The following DPY19L2 variants were observed in gnomAD, a reference collection of about 807,000 sequenced individuals.
DPY19L2 encodes the protein probable C-mannosyltransferase DPY19L2.
In DPY19L2, 34 loss-of-function variants were observed where a neutral mutation model predicts 97.9. The observed-to-expected ratio is 0.35, with a 90% confidence interval of 0.26 to 0.46. DPY19L2 has a LOEUF of 0.46. Among genes scored for constraint, DPY19L2 ranks in the 20% least tolerant of loss-of-function variants. The probability of loss-of-function intolerance (pLI) is 1.00; values close to 1 mark genes in which losing one functional copy is unlikely to be tolerated. For missense variants in DPY19L2, 623 were observed against 911.4 expected (o/e 0.68, Z 4.07); for synonymous variants, 230 against 307.9 (o/e 0.75, Z 2.65).
chr12:63,584,048 G>T (rs541568345), intron 16 of DPY19L2: 1 of 490,458 alleles, frequency 2.0e-6, no homozygotes, highest in African/African-American at 1.9e-5. Flanking sequence ...TTCAAGATAT[G>T]TCAAAAATTT....
intron 4 of DPY19L2, among the ~76,000 whole-genome samples, chr12:63,648,220 C>G (rs1452911039): frequency 3.9e-5 from 6 of 152,132 alleles, no homozygotes; most frequent in Non-Finnish European, 7.4e-5. Context: ...CTTCCTTGGA[C>G]TCCAGAATTC....
At chr12:63,588,021 A>G (rs1882116637) in intron 16 of DPY19L2, among the ~76,000 whole-genome samples, 2 of 152,184 alleles carry the variant, frequency 1.3e-5, no homozygotes, top group Admixed American at 1.3e-4. Flanking sequence ...AGAAAAAGTT[A>G]TAACTTTAAA....
At chr12:63,583,912 G>C (rs1881360005) in intron 16 of DPY19L2, 76 bp from the exon 17 acceptor site, 1 of 1,285,770 alleles carries the variant, frequency 7.8e-7, no homozygotes, top group African/African-American at 1.5e-5. Context: ...AGCTTCATTT[G>C]CTTGATCTTA....
chr12:63,637,179 A>G (rs1370803367), intron 6 of DPY19L2, among the ~76,000 whole-genome samples: 3 of 152,176 alleles, frequency 2.0e-5, no homozygotes, highest in Non-Finnish European at 4.4e-5. Flanking sequence ...CTGCTCCTGA[A>G]TGACTACTGG....
Position 63,600,348 on chromosome 12 carries a change from A to C in DPY19L2, c.1317T>G (p.Ile439Met), listed in dbSNP as rs766089063. Reference protein sequence around the residue: ...QGSAWWCGTIILKFLTSKILG... With the variant: ...QGSAWWCGTIMLKFLTSKILG... Reference sequence around the variant, plus strand: ...AGATTTTAGATGTCAGAAATTTCAAAATGATTGTTCCACACCACCAGGCAC... The same window carrying C: ...AGATTTTAGATGTCAGAAATTTCAACATGATTGTTCCACACCACCAGGCAC... The change falls in exon 13 of 22, where the codon ATT (isoleucine) becomes ATG (methionine). Residue 439 changes from isoleucine to methionine, a missense_variant. This residue lies in a region of DPY19L2 where 294 missense variants were observed against 446.2 expected (regional missense o/e 0.66). Coordinates refer to ENST00000324472, the MANE Select transcript of DPY19L2 (RefSeq NM_173812.5). 3.1e-6 allele frequency: 5 copies of C among 1,609,494 alleles called. No homozygotes were observed. Among genetic ancestry groups the C allele is most frequent in the Non-Finnish European group, 8.5e-7 (1 of 1,177,758 alleles).
At chr12:63,652,213 T>C (rs1022038090) in intron 4 of DPY19L2, among the ~76,000 whole-genome samples, 3 of 152,066 alleles carry the variant, frequency 2.0e-5, no homozygotes, top group African/African-American at 4.8e-5. Context: ...ATTAGAGAAA[T>C]GCAAATCAAA....
Position 63,618,091 on chromosome 12 carries a change from G to A in DPY19L2, c.1131+60C>T, listed in dbSNP as rs949899396. On this transcript the variant is annotated intron_variant, in intron 10 of 21. Transcript: ENST00000324472. ...GTACCGTATAAAACAGAATCACTTC[G>A]ATTTTATAAACTCTGAGAACCTATC... 322 of 1,256,156 alleles carry A rather than the reference G, an allele frequency of 2.6e-4. No individual in the cohort carries two copies. The Middle Eastern group carries it at 3.0e-3, about 12-fold the overall frequency. 77.8% of individuals were successfully genotyped at this position (1,256,156 alleles called of 1,614,324 possible).
intron 6 of DPY19L2, among the ~76,000 whole-genome samples, chr12:63,635,757 T>C (rs1891563025): frequency 6.6e-6 from 1 of 152,034 alleles, no homozygotes; most frequent in Non-Finnish European, 1.5e-5. Context: ...AAACAAAGCC[T>C]CCAAGAAATA....
chr12:63,653,283 G>T (rs1325816671), intron 4 of DPY19L2, among the ~76,000 whole-genome samples: 1 of 152,128 alleles, frequency 6.6e-6, no homozygotes, highest in Non-Finnish European at 1.5e-5. Flanking sequence ...TACTGAGGCT[G>T]GTCCCGGTGG....
At chr12:63,592,003 A>AGGAAG (rs1883081974) in intron 16 of DPY19L2, among the ~76,000 whole-genome samples, 1 of 11,340 alleles carries the variant, frequency 8.8e-5, no homozygotes, top group Non-Finnish European at 1.4e-4. Flanking sequence ...AGGGAGGGGA[A>AGGAAG]GGGAGGGGAG....
intron 21 of DPY19L2, among the ~76,000 whole-genome samples, chr12:63,563,686 C>T (rs544941440): frequency 1.3e-5 from 2 of 152,122 alleles, no homozygotes; most frequent in Non-Finnish European, 2.9e-5. Flanking sequence ...AAAAATTTCA[C>T]ATATGTGTTC....
At position 63,668,031 on chromosome 12, in the gene DPY19L2, C is replaced by T. The variant is rs772977756; in HGVS notation, c.337+26G>A. 1.2e-5 allele frequency: 19 copies of T among 1,606,692 alleles called. No homozygotes were observed. The South Asian group carries it at 2.1e-4, about 18-fold the overall frequency. On this transcript the variant is annotated intron_variant, in intron 1 of 21. Transcript: ENST00000324472. Reference sequence around the variant, plus strand: ...AAGAAAAGCGCCATGCGGCTCCCTCCTAGGGCTCTCCTGCCCTCTCCTCAC... The same window carrying T: ...AAGAAAAGCGCCATGCGGCTCCCTCTTAGGGCTCTCCTGCCCTCTCCTCAC...
Position 63,580,802 on chromosome 12 carries a change from T to G in DPY19L2, c.1760A>C (p.Glu587Ala), listed in dbSNP as rs747005732. 4 of 1,612,516 alleles carry G rather than the reference T, an allele frequency of 2.5e-6. No homozygotes were observed. In the Admixed American group the frequency reaches 5.0e-5, roughly 20 times the overall value. The change falls in exon 19 of 22, where the codon GAG becomes GCG. Residue 587 changes from glutamate to alanine, a missense_variant. Coordinates refer to ENST00000324472, the MANE Select transcript of DPY19L2 (RefSeq NM_173812.5). ...TGTTAAAATGCCAAAGATAACCTTCTCAAAACGAACTCTGCGAAAAAGCCA... is the reference window on the plus strand; with the variant it reads ...TGTTAAAATGCCAAAGATAACCTTCGCAAAACGAACTCTGCGAAAAAGCCA... ...FGWLFRRVRF[E>A]KVIFGILTVM...
chr12:63,595,208 G>A lies in DPY19L2; in HGVS notation c.1533+758C>T, dbSNP rs571994338. On this transcript the variant is annotated intron_variant, in intron 15 of 21. Transcript: ENST00000324472. ...AACTCCTTTCAACAAGAACACAACT[G>A]GTATGGTGGTAGGGAAACTGCATTA... Among the ~76,000 whole-genome samples the A allele has an allele frequency of 2.0e-5, 3 of 152,208 alleles. No individual in the cohort carries two copies. In the South Asian group the frequency reaches 6.2e-4, roughly 32 times the overall value.
chr12:63,659,755 C>T (rs1895432849), intron 4 of DPY19L2, among the ~76,000 whole-genome samples: 1 of 151,754 alleles, frequency 6.6e-6, no homozygotes, highest in African/African-American at 2.4e-5. Flanking sequence ...TTTGGCATTC[C>T]AAAAATGTTT....
intron 12 of DPY19L2, among the ~76,000 whole-genome samples, chr12:63,604,510 G>C (rs1885717026): frequency 6.6e-6 from 1 of 151,950 alleles, no homozygotes; most frequent in Non-Finnish European, 1.5e-5. Context: ...CTACACCATA[G>C]GTCCCGAAGG....
chr12:63,611,625 A>G (rs1002595842), intron 11 of DPY19L2, among the ~76,000 whole-genome samples: 2 of 152,086 alleles, frequency 1.3e-5, no homozygotes, highest in African/African-American at 4.8e-5. Context: ...AGATATGAAA[A>G]CTACAATGAC....
In DPY19L2 at chr12:63,628,507, C is replaced by T. The variant is rs1388354339; in HGVS notation, c.804-1981G>A. Among the ~76,000 whole-genome samples the T allele has an allele frequency of 8.5e-5, 13 of 152,200 alleles. 1 individual carries two copies. Among genetic ancestry groups the T allele is most frequent in the East Asian group, 1.9e-4 (1 of 5,172 alleles). On this transcript the variant is annotated intron_variant, in intron 6 of 21. Coordinates refer to ENST00000324472, the MANE Select transcript of DPY19L2 (RefSeq NM_173812.5). ...CTGAGATCCAACTGCAAGGCGGCAG[C>T]GAGGATGGGGGAGGGGCACCCACCA... is the stretch of plus-strand genomic sequence containing the variant.
intron 1 of DPY19L2, among the ~76,000 whole-genome samples, chr12:63,667,851 T>C (rs11175109): frequency 0.56 from 85,253 of 151,810 alleles, 24,375 homozygotes; most frequent in East Asian, 0.87. Context: ...CTCTGCGATC[T>C]GACAGCCCTT....
Sources: gnomAD v4.1 joint callset for allele counts (sites outside exome capture counted in the v4.1 genomes callset) on GRCh38, gnomAD v4.1.1 for gene constraint, gnomAD v4.1.1 regional missense constraint, MANE v1.5 for transcripts, NCBI Gene and HGNC (gene_info 2026-07-23, HGNC 2026-07-21) for gene names.